The following LYPD6B variants were observed in gnomAD, a reference collection of about 807,000 sequenced individuals.
LYPD6B encodes the protein ly6/PLAUR domain-containing protein 6B.
In LYPD6B, 17 loss-of-function variants were observed where a neutral mutation model predicts 22.8. That is an observed-to-expected ratio of 0.75 (90% CI 0.51 to 1.12). The LOEUF is 1.12. LYPD6B is among the 50% of genes most tolerant of loss of function. The pLI is 0.00. For missense variants in LYPD6B, 221 were observed against 258.3 expected, an observed-to-expected ratio of 0.86 and a Z score of 0.99; for synonymous variants, 106 against 91.6, an observed-to-expected ratio of 1.16 and a Z score of -0.90.
intron 3 of LYPD6B, among the ~76,000 whole-genome samples, chr2:149,202,563 G>A (rs1693231063): frequency 6.6e-6 from 1 of 152,154 alleles, no homozygotes; most frequent in Admixed American, 6.5e-5. Flanking sequence ...ACCTTATTGT[G>A]TTTCCTTCAT....
chr2:149,143,070 A>G (rs1032699737), intron 2 of LYPD6B, among the ~76,000 whole-genome samples: 3 of 152,194 alleles, frequency 2.0e-5, no homozygotes, highest in Admixed American at 2.0e-4. Flanking sequence ...ATAATGATAC[A>G]TTATTATTAG....
At chr2:149,062,860 C>CTTTTTT (rs5835285) in intron 1 of LYPD6B, among the ~76,000 whole-genome samples, 20 of 93,466 alleles carry the variant, frequency 2.1e-4, no homozygotes, top group East Asian at 6.3e-4. Context: ...GATACATGTT[C>CTTTTTT]TTTTTTTTTT....
chr2:149,085,165 G>A (rs13406443), intron 1 of LYPD6B, among the ~76,000 whole-genome samples: 4,985 of 152,266 alleles, frequency 0.033, 274 homozygotes, highest in African/African-American at 0.11. Flanking sequence ...CTGAGCCACC[G>A]TGAGGTTGTC....
intron 1 of LYPD6B, among the ~76,000 whole-genome samples, chr2:149,122,514 C>T (rs1044520833): frequency 2.6e-5 from 4 of 151,394 alleles, no homozygotes; most frequent in Admixed American, 6.6e-5. Flanking sequence ...TGGTGTGCTG[C>T]ACCCATTAAC....
chr2:149,052,074 T>C (rs1175776916), intron 1 of LYPD6B, among the ~76,000 whole-genome samples: 1 of 152,130 alleles, frequency 6.6e-6, no homozygotes, highest in East Asian at 1.9e-4. Context: ...TATTATTATT[T>C]TGAGATGGAG....
rs887156650 is a variant in LYPD6B at position 149,110,623 on chromosome 2, T to G, written c.-66-20260T>G. Among the ~76,000 whole-genome samples, 16 of 152,204 alleles carry G rather than the reference T, an allele frequency of 1.1e-4. 1 individual carries two copies. Among genetic ancestry groups the G allele is most frequent in the Non-Finnish European group, 1.5e-5 (1 of 68,040 alleles). On this transcript the variant is annotated intron_variant, in intron 1 of 6. Coordinates refer to ENST00000409642, the MANE Select transcript of LYPD6B (RefSeq NM_177964.5). ...GAGTTATGAGGTTTTTCAATCTGAC[T>G]ACTGAAAATGACAACCTTACTTATT...
At chr2:149,196,018 T>C (rs1312776981) in intron 3 of LYPD6B, among the ~76,000 whole-genome samples, 1 of 152,228 alleles carries the variant, frequency 6.6e-6, no homozygotes, top group African/African-American at 2.4e-5. Context: ...GACTTTACCC[T>C]TGTGGGACCA....
chr2:149,103,218 G>T (rs913660150), intron 1 of LYPD6B, among the ~76,000 whole-genome samples: 3 of 152,184 alleles, frequency 2.0e-5, no homozygotes, highest in Non-Finnish European at 4.4e-5. Context: ...GATGAGTGCA[G>T]TGACAGCGTT....
At chr2:149,186,715 T>C (rs1250606347) in intron 3 of LYPD6B, among the ~76,000 whole-genome samples, 3 of 152,216 alleles carry the variant, frequency 2.0e-5, no homozygotes, top group Non-Finnish European at 4.4e-5. Context: ...AGTAAGCCTC[T>C]TGCCTCAGCC....
At position 149,198,376 on chromosome 2, in the gene LYPD6B, T is replaced by C. The variant is rs147993396; in HGVS notation, c.78-6877T>C. Reference sequence around the variant, plus strand: ...TTTTTTCTATGTGGAGCTCTTACCATGTTACCTTTCTGGTGTCATGAAAGC... The same window carrying C: ...TTTTTTCTATGTGGAGCTCTTACCACGTTACCTTTCTGGTGTCATGAAAGC... On this transcript the variant is annotated intron_variant, in intron 3 of 6. Transcript: ENST00000409642. 2.6e-5 allele frequency among the ~76,000 whole-genome samples: 4 copies of C among 152,304 alleles called. No individual in the cohort carries two copies. In the East Asian group the frequency reaches 5.8e-4, roughly 22 times the overall value.
chr2:149,049,372 CAT>C (rs1165436070), intron 1 of LYPD6B, among the ~76,000 whole-genome samples: 2 of 152,226 alleles, frequency 1.3e-5, no homozygotes, highest in Non-Finnish European at 2.9e-5. Flanking sequence ...CACACACACA[CAT>C]GCTCTCATAC....
rs181977631 is a variant in LYPD6B, at chr2:149,183,416, G to T, written c.78-21837G>T. Among the ~76,000 whole-genome samples, 11 of 151,676 alleles carry T rather than the reference G, an allele frequency of 7.3e-5. No homozygotes were observed. The South Asian group carries it at 1.7e-3, about 23-fold the overall frequency. ...GCAGAAAATCCTAACCAGTGTGCTT[G>T]CTTTCTTTTTTGTTTTTTTAAGAAA... On this transcript the variant is annotated intron_variant, in intron 3 of 6. Transcript: ENST00000409642.
intron 5 of LYPD6B, 36 bp from the exon 6 acceptor site, chr2:149,212,956 G>A (rs1693966466): frequency 6.2e-7 from 1 of 1,601,264 alleles, no homozygotes; most frequent in Admixed American, 1.7e-5. Context: ...AAATTACCTT[G>A]TTTCTTGGTT....
intron 1 of LYPD6B, among the ~76,000 whole-genome samples, chr2:149,108,892 A>G (rs768557049): frequency 6.6e-5 from 10 of 152,126 alleles, no homozygotes; most frequent in Non-Finnish European, 1.3e-4. Flanking sequence ...TTTATAGCAT[A>G]CATCTTTAAC....
chr2:149,057,401 TA>T (rs5835286), intron 1 of LYPD6B, among the ~76,000 whole-genome samples: 43,465 of 150,980 alleles, frequency 0.29, 7,043 homozygotes, highest in Non-Finnish European at 0.36. Context: ...TTTTTTTTTT[TA>T]ATTACAGTGC....
chr2:149,182,412 C>A (rs948041253), intron 3 of LYPD6B, among the ~76,000 whole-genome samples: 1 of 152,186 alleles, frequency 6.6e-6, no homozygotes, highest in African/African-American at 2.4e-5. Flanking sequence ...TCCTCCAACA[C>A]CTACTATTTT....
Position 149,094,031 on chromosome 2 carries a change from A to G in LYPD6B, c.-66-36852A>G, listed in dbSNP as rs763152547. ...TAGAATATGACTTTGATATTATGGA[A>G]TGGATAGAAAGTGGTGGAACAAGAA... On this transcript the variant is annotated intron_variant, in intron 1 of 6. Coordinates refer to ENST00000409642, the MANE Select transcript of LYPD6B (RefSeq NM_177964.5). Among the ~76,000 whole-genome samples, 14 of 152,136 alleles carry G rather than the reference A, an allele frequency of 9.2e-5. 1 individual carries two copies. The highest frequency in any genetic ancestry group is 6.6e-5 in the Admixed American group (1 of 15,264).
chr2:149,138,476 A>G (rs1253553038), intron 2 of LYPD6B, among the ~76,000 whole-genome samples: 1 of 152,242 alleles, frequency 6.6e-6, no homozygotes, highest in African/African-American at 2.4e-5. Flanking sequence ...TGTGACCAAC[A>G]GATCTTTCCA....
chr2:149,099,791 A>G (rs1427111184), intron 1 of LYPD6B, among the ~76,000 whole-genome samples: 4 of 152,202 alleles, frequency 2.6e-5, no homozygotes, highest in African/African-American at 9.6e-5. Context: ...TAGAACTAGC[A>G]CTTAAGGTGA....
Sources: gnomAD v4.1 joint callset for allele counts (sites outside exome capture counted in the v4.1 genomes callset) on GRCh38, gnomAD v4.1.1 for gene constraint, MANE v1.5 for transcripts, NCBI Gene and HGNC (gene_info 2026-07-23, HGNC 2026-07-21) for gene names.